The following ATXN3 variants were observed in gnomAD, a reference collection of about 807,000 sequenced individuals.
ATXN3 encodes the protein ataxin-3.
Under a neutral mutation model 58.2 loss-of-function variants are expected in ATXN3, and 28 were observed. The ratio of observed to expected loss-of-function variants is 0.48; its 90% CI spans 0.36 to 0.66. The LOEUF (loss-of-function observed/expected upper bound fraction) is 0.66. Ranked by LOEUF, ATXN3 falls within the 30% of genes least tolerant of loss-of-function variation. The pLI, the probability that ATXN3 is intolerant of heterozygous loss-of-function variation, is 0.00. For synonymous variants in ATXN3, 113 were observed against 138.5 expected (o/e 0.82, Z 1.29); for missense variants, 321 against 422.1 (o/e 0.76, Z 2.10).
intron 10 of ATXN3, among the ~76,000 whole-genome samples, chr14:92,065,021 T>A (rs953497113): frequency 6.6e-6 from 1 of 152,220 alleles, no homozygotes. Flanking sequence ...ATCACACGTG[T>A]ATTCATGTAA....
At chr14:92,100,601 C>T (rs1353018573) in intron 1 of ATXN3, among the ~76,000 whole-genome samples, 1 of 151,904 alleles carries the variant, frequency 6.6e-6, no homozygotes. Flanking sequence ...CAATGGTAAA[C>T]TAAAGAGGAC....
chr14:92,064,282 T>C lies in ATXN3; in HGVS notation c.*38A>G, dbSNP rs746867371. On this transcript the variant is annotated 3_prime_UTR_variant, in exon 11 of 11. Transcript: ENST00000644486. ...TATGCTGTAATCACACAGGATAATG[T>C]TGGAAAGTATGAATATCTAAATTAT... 1.2e-5 allele frequency: 17 copies of C among 1,437,118 alleles called. No individual in the cohort carries two copies. The highest frequency in any genetic ancestry group is 3.9e-6 in the Non-Finnish European group (4 of 1,026,298). 89.0% of individuals were successfully genotyped at this position (1,437,118 alleles called of 1,614,324 possible).
At chr14:92,067,616 T>C (rs1300578659) in intron 10 of ATXN3, among the ~76,000 whole-genome samples, 3 of 152,302 alleles carry the variant, frequency 2.0e-5, no homozygotes, top group East Asian at 1.9e-4. Context: ...AGGCTGGTCT[T>C]GAATTCCTGA....
chr14:92,087,592 G>T (rs893080189), intron 6 of ATXN3, among the ~76,000 whole-genome samples: 1 of 152,238 alleles, frequency 6.6e-6, no homozygotes, highest in African/African-American at 2.4e-5. Flanking sequence ...TTTAACCAGG[G>T]TTGAGATTTT....
At chr14:92,051,910 T>G (rs2140163656), upstream of ATXN3, among the ~76,000 whole-genome samples, 1 of 145,370 alleles carries the variant, frequency 6.9e-6, no homozygotes, top group East Asian at 2.0e-4. Context: ...GTATTTTTAG[T>G]AGAGACGGGG....
intron 1 of ATXN3, 126 bp downstream of exon 1, chr14:92,106,403 C>T: frequency 2.4e-6 from 3 of 1,257,208 alleles, no homozygotes; most frequent in Non-Finnish European, 3.4e-6. Flanking sequence ...GCGGCGTCGC[C>T]CCTCGCCGGG....
chr14:92,073,793 C>A (rs2059859387), intron 9 of ATXN3, among the ~76,000 whole-genome samples: 1 of 151,278 alleles, frequency 6.6e-6, no homozygotes, highest in African/African-American at 2.4e-5. Flanking sequence ...GAGCCCAGAT[C>A]ATGCCACTAC....
rs2057703808 is a variant in ATXN3 at position 92,060,527 on chromosome 14, G to A, written c.*3793C>T. ...GCCCACCTCAGCCTCCAGAACTGCT[G>A]GGATTACAGGCGTGAGCCACTGCAC... On this transcript the variant is annotated 3_prime_UTR_variant, in exon 11 of 11. Transcript: ENST00000644486. 6.6e-6 allele frequency: 1 copy of A among 151,934 alleles called. No homozygotes were observed. Among genetic ancestry groups the A allele is most frequent in the African/African-American group, 2.4e-5 (1 of 41,382 alleles). The allele number at this position is 151,934 out of a possible 1,614,324, so 9.4% of individuals were successfully genotyped here.
chr14:92,103,493 T>C (rs999250496), intron 1 of ATXN3, among the ~76,000 whole-genome samples: 5 of 152,188 alleles, frequency 3.3e-5, no homozygotes, highest in Admixed American at 3.3e-4. Flanking sequence ...TGGAGTGCAG[T>C]GGTGCGATCA....
chr14:92,091,087 C>G (rs1198859393), intron 5 of ATXN3, among the ~76,000 whole-genome samples: 1 of 151,504 alleles, frequency 6.6e-6, no homozygotes, highest in Non-Finnish European at 1.5e-5. Flanking sequence ...ACCCAGCTAG[C>G]CTCCACTGTA....
At chr14:92,077,339 G>GA (rs1337185489) in intron 9 of ATXN3, among the ~76,000 whole-genome samples, 1 of 141,892 alleles carries the variant, frequency 7.0e-6, no homozygotes, top group Non-Finnish European at 1.5e-5. Context: ...TGAAGGAGGT[G>GA]AGAGTATGCT....
At chr14:92,090,525 A>T (rs1448696324) in intron 5 of ATXN3, 1 of 152,204 alleles carries the variant, frequency 6.6e-6, no homozygotes, top group Non-Finnish European at 1.5e-5. Context: ...GATTTTGACA[A>T]TGTTAATACT....
chr14:92,080,922 C>T (rs1423650136), intron 9 of ATXN3, 43 bp downstream of exon 9: 3 of 1,428,742 alleles, frequency 2.1e-6, no homozygotes, highest in African/African-American at 2.8e-5. Flanking sequence ...ATAGCCAAAG[C>T]AAATATTAAA....
intron 5 of ATXN3, among the ~76,000 whole-genome samples, chr14:92,090,745 A>C (rs1595869210): frequency 6.6e-6 from 1 of 152,238 alleles, no homozygotes; most frequent in East Asian, 1.9e-4. Flanking sequence ...CAAAATAATA[A>C]GATAGACATT....
At chr14:92,089,992 T>A (rs1249437890) in intron 5 of ATXN3, among the ~76,000 whole-genome samples, 2 of 152,112 alleles carry the variant, frequency 1.3e-5, no homozygotes, top group Non-Finnish European at 2.9e-5. Context: ...CTTTGGGAGG[T>A]TAGCTAAGGT....
chr14:92,083,295 G>C (rs2061798027), intron 6 of ATXN3, 37 bp from the exon 7 acceptor site: 1 of 1,563,176 alleles, frequency 6.4e-7, no homozygotes. Context: ...TAACCAGTTA[G>C]TAAAGAGATT....
At chr14:92,067,023 G>A (rs10137707) in intron 10 of ATXN3, among the ~76,000 whole-genome samples, 1,809 of 152,210 alleles carry the variant, frequency 0.012, 36 homozygotes, top group African/African-American at 0.039. Flanking sequence ...GCCTGCCTCA[G>A]CCTCCAAAAG....
chr14:92,096,323 A>C (rs944639034), intron 2 of ATXN3, 186 bp from the exon 3 acceptor site: 5 of 1,460,938 alleles, frequency 3.4e-6, no homozygotes, highest in African/African-American at 1.4e-5. Flanking sequence ...AATGGTATCC[A>C]CATTTTTAAA....
At chr14:92,058,072 G>A (rs2057495447), downstream of ATXN3, among the ~76,000 whole-genome samples, 1 of 152,054 alleles carries the variant, frequency 6.6e-6, no homozygotes, top group Non-Finnish European at 1.5e-5. Context: ...AGCTTCTCTT[G>A]GAAAAGACTG....
Sources: allele counts gnomAD v4.1 joint callset (sites outside exome capture counted in the v4.1 genomes callset), GRCh38; gene constraint gnomAD v4.1.1; transcripts MANE v1.5; gene names NCBI Gene and HGNC (gene_info 2026-07-23, HGNC 2026-07-21).